PHLPP1: variants seen among roughly 807,000 people sequenced by gnomAD.
PHLPP1 encodes the protein PH domain and leucine rich repeat protein phosphatase 1, also known as PH domain leucine-rich repeat-containing protein phosphatase 1.
PHLPP1 carries 42 observed loss-of-function variants against 117.2 expected under a neutral mutation model. The ratio of observed to expected loss-of-function variants is 0.36; its 90% CI spans 0.28 to 0.46. PHLPP1 has a LOEUF of 0.46. Ranked by LOEUF, PHLPP1 falls within the 20% of genes least tolerant of loss-of-function variation. The pLI is 1.00. For synonymous variants in PHLPP1, 1,042 were observed against 970.7 expected (o/e 1.07, Z -1.37); for missense variants, 2,084 against 2,241.9 (o/e 0.93, Z 1.42).
intron 4 of PHLPP1, among the ~76,000 whole-genome samples, chr18:62,877,314 G>A (rs781311801): frequency 6.6e-6 from 1 of 152,188 alleles, no homozygotes; most frequent in Non-Finnish European, 1.5e-5. Flanking sequence ...AATGGAAATA[G>A]TGATAATTCA....
intron 4 of PHLPP1, among the ~76,000 whole-genome samples, chr18:62,884,826 C>T (rs1418563395): frequency 1.3e-5 from 2 of 152,152 alleles, no homozygotes; most frequent in Non-Finnish European, 2.9e-5. Context: ...ACTTGTGACA[C>T]CCATTTTGAG....
intron 10 of PHLPP1, among the ~76,000 whole-genome samples, chr18:62,928,095 A>T (rs1362871133): frequency 1.3e-5 from 2 of 152,162 alleles, no homozygotes; most frequent in Non-Finnish European, 2.9e-5. Flanking sequence ...AGATTGACTC[A>T]GGGTTTTTAT....
At chr18:62,838,140 G>C (rs978862796) in intron 2 of PHLPP1, 6 of 151,778 alleles carry the variant, frequency 4.0e-5, no homozygotes. Flanking sequence ...AGTTTTTCTA[G>C]AATTATTTAG....
chr18:62,863,788 A>AGCTTTTTGG (rs1915693782), intron 4 of PHLPP1, among the ~76,000 whole-genome samples: 2 of 152,138 alleles, frequency 1.3e-5, no homozygotes, highest in Admixed American at 1.3e-4. Flanking sequence ...CAGCTTCTTT[A>AGCTTTTTGG]CCGCATCCTG....
chr18:62,741,019 A>ATCAATAT (rs1282426857), intron 1 of PHLPP1, among the ~76,000 whole-genome samples: 1 of 152,156 alleles, frequency 6.6e-6, no homozygotes, highest in Non-Finnish European at 1.5e-5. Flanking sequence ...ATATTTACTG[A>ATCAATAT]TGTCTTCAGA....
chr18:62,894,934 C>T lies in PHLPP1; in HGVS notation c.2067-77C>T, dbSNP rs181052791. 3,000 of 1,277,714 alleles carry T rather than the reference C, an allele frequency of 2.3e-3. 5 individuals carry two copies. Among genetic ancestry groups the T allele is most frequent in the Middle Eastern group, 2.9e-3 (13 of 4,494 alleles). 79.1% of individuals were successfully genotyped at this position (1,277,714 alleles called of 1,614,324 possible). Reference sequence around the variant, plus strand: ...GAATTTGGGAGTTGGGCTAGATTATCTCTTAGGCTATGCTAAAATTATGAT... The same window carrying T: ...GAATTTGGGAGTTGGGCTAGATTATTTCTTAGGCTATGCTAAAATTATGAT... On this transcript the variant is annotated intron_variant, in intron 4 of 16. Transcript: ENST00000262719.
chr18:62,782,637 A>C (rs1286852645), intron 1 of PHLPP1, among the ~76,000 whole-genome samples: 1 of 152,230 alleles, frequency 6.6e-6, no homozygotes, highest in Non-Finnish European at 1.5e-5. Context: ...CAAATGAAGG[A>C]ATTTACAGCA....
At chr18:62,929,813 G>T (rs972351627) in intron 10 of PHLPP1, among the ~76,000 whole-genome samples, 1 of 152,082 alleles carries the variant, frequency 6.6e-6, no homozygotes, top group Admixed American at 6.6e-5. Context: ...GCCAGGCATG[G>T]TTACATACAC....
intron 13 of PHLPP1, among the ~76,000 whole-genome samples, chr18:62,959,923 A>G (rs955241082): frequency 5.3e-5 from 8 of 152,184 alleles, no homozygotes; most frequent in Non-Finnish European, 1.0e-4. Flanking sequence ...GGTTCTCTCC[A>G]TTGTTGATCA....
chr18:62,771,482 C>T (rs1446461994), intron 1 of PHLPP1, among the ~76,000 whole-genome samples: 1 of 152,184 alleles, frequency 6.6e-6, no homozygotes, highest in African/African-American at 2.4e-5. Context: ...TGTTAAACAA[C>T]AGCCCCAATG....
chr18:62,762,497 T>C (rs921958849), intron 1 of PHLPP1, among the ~76,000 whole-genome samples: 9 of 147,604 alleles, frequency 6.1e-5, no homozygotes, highest in African/African-American at 2.2e-4. Context: ...TGCTGCAGCC[T>C]CCACCTCCTG....
intron 1 of PHLPP1, among the ~76,000 whole-genome samples, chr18:62,789,676 C>T (rs191317256): frequency 6.6e-6 from 1 of 152,190 alleles, no homozygotes; most frequent in Non-Finnish European, 1.5e-5. Flanking sequence ...AGTTCCTGCT[C>T]TGTCTGGCTT....
At chr18:62,921,404 C>T (rs1268829551) in intron 10 of PHLPP1, among the ~76,000 whole-genome samples, 2 of 152,122 alleles carry the variant, frequency 1.3e-5, no homozygotes, top group Non-Finnish European at 2.9e-5. Flanking sequence ...GTGAAATGGC[C>T]GTCTGCGATC....
At chr18:62,805,771 C>A (rs909042723) in intron 1 of PHLPP1, among the ~76,000 whole-genome samples, 1 of 151,906 alleles carries the variant, frequency 6.6e-6, no homozygotes. Flanking sequence ...ACTTAAGAAA[C>A]CTTGCCTATG....
At chr18:62,833,137 G>A (rs905648819) in intron 2 of PHLPP1, among the ~76,000 whole-genome samples, 8 of 152,002 alleles carry the variant, frequency 5.3e-5, no homozygotes, top group African/African-American at 1.9e-4. Flanking sequence ...GCAGTGGTGC[G>A]ATCTTGGGTC....
chr18:62,929,011 G>C, intron 10 of PHLPP1, among the ~76,000 whole-genome samples: 1 of 152,224 alleles, frequency 6.6e-6, no homozygotes, highest in East Asian at 1.9e-4. Flanking sequence ...CTACAGATGG[G>C]TATAGGGTTT....
chr18:62,742,413 C>T (rs1456662557), intron 1 of PHLPP1, among the ~76,000 whole-genome samples: 3 of 152,084 alleles, frequency 2.0e-5, no homozygotes, highest in Non-Finnish European at 4.4e-5. Flanking sequence ...AGAATAAAGG[C>T]ATAGTCTTTT....
intron 1 of PHLPP1, among the ~76,000 whole-genome samples, chr18:62,784,897 T>C (rs1315374200): frequency 1.3e-5 from 2 of 152,116 alleles, no homozygotes; most frequent in African/African-American, 4.8e-5. Context: ...AGAAGATATA[T>C]AGATATTTGT....
At chr18:62,932,732 T>C (rs905812841) in intron 10 of PHLPP1, among the ~76,000 whole-genome samples, 1 of 152,034 alleles carries the variant, frequency 6.6e-6, no homozygotes, top group African/African-American at 2.4e-5. Flanking sequence ...CTCTCACCAC[T>C]CCTATTGAAC....
Sources: gnomAD v4.1 joint callset for allele counts (sites outside exome capture counted in the v4.1 genomes callset) on GRCh38, gnomAD v4.1.1 for gene constraint, MANE v1.5 for transcripts, NCBI Gene and HGNC (gene_info 2026-07-23, HGNC 2026-07-21) for gene names.